SLC2A11: variants seen among roughly 807,000 people sequenced by gnomAD.
The protein encoded by SLC2A11 is solute carrier family 2, facilitated glucose transporter member 11.
A neutral mutation model predicts 52.1 loss-of-function variants in SLC2A11; 43 were observed. The ratio of observed to expected loss-of-function variants is 0.82; its 90% CI spans 0.65 to 1.06. SLC2A11 has a LOEUF of 1.06. Among genes scored for constraint, SLC2A11 ranks in the 50% least tolerant of loss-of-function variants. The pLI is 0.00. For missense variants in SLC2A11, 582 were observed against 654.2 expected, an observed-to-expected ratio of 0.89 and a Z score of 1.20; for synonymous variants, 261 against 277.6, an observed-to-expected ratio of 0.94 and a Z score of 0.59.
chr22:23,873,400 G>C (rs963278869), intron 3 of SLC2A11: 2 of 150,464 alleles, frequency 1.3e-5, no homozygotes, highest in Non-Finnish European at 3.0e-5. Flanking sequence ...TTATTTATTA[G>C]ACGGGTTCAA....
intron 3 of SLC2A11, 135 bp from the exon 4 acceptor site, chr22:23,874,982 T>A (rs1449846482): frequency 3.0e-6 from 3 of 1,000,018 alleles, no homozygotes; most frequent in Non-Finnish European, 2.7e-6. Context: ...GGACTCAAAG[T>A]AGTTAATGGC....
At chr22:23,869,377 A>G (rs2032375408) in intron 3 of SLC2A11, 1 of 152,662 alleles carries the variant, frequency 6.6e-6, no homozygotes, top group Admixed American at 6.6e-5. Flanking sequence ...AGTCCTGGCT[A>G]CTCGGGAGGC....
intron 2 of SLC2A11, chr22:23,868,153 T>TGCTTGATGTG (rs1264475395): frequency 1.9e-5 from 7 of 373,802 alleles, no homozygotes; most frequent in Non-Finnish European, 3.5e-5. Flanking sequence ...GTTAGAGAAT[T>TGCTTGATGTG]GCTTGATGTG....
intron 2 of SLC2A11, chr22:23,865,791 AAC>A (rs2032241128): frequency 6.6e-6 from 1 of 152,264 alleles, no homozygotes; most frequent in South Asian, 2.1e-4. Context: ...ATTCTAGCTA[AAC>A]CAACTTAGCA....
At chr22:23,863,871 T>C (rs1185916187) in intron 2 of SLC2A11, among the ~76,000 whole-genome samples, 2 of 152,056 alleles carry the variant, frequency 1.3e-5, no homozygotes, top group Non-Finnish European at 2.9e-5. Context: ...GCTGAAGTGG[T>C]CCGCCCACCT....
chr22:23,858,794 G>C (rs528641284), intron 1 of SLC2A11, among the ~76,000 whole-genome samples: 1 of 152,186 alleles, frequency 6.6e-6, no homozygotes, highest in Non-Finnish European at 1.5e-5. Flanking sequence ...TGTAGCACCA[G>C]CTGATGTACT....
chr22:23,875,124 T>G lies in SLC2A11; in HGVS notation c.298T>G (p.Ser100Ala). Residue 100 changes from serine (S) to alanine (A), a missense_variant, in exon 4 of 12, where the codon TCC becomes GCC. Coordinates refer to ENST00000316185, the MANE Select transcript of SLC2A11 (RefSeq NM_001024939.4). ...PLAITLGRKK[S>A]LLVNNIFVVS... The stretch of plus-strand genomic sequence containing the variant: ...TGTTTCACTTCCCCCAAGGAAGAAG[T>G]CCCTCCTGGTGAATAACATCTTTGT... 9 of 1,580,482 alleles carry G rather than the reference T, an allele frequency of 5.7e-6. No homozygotes were observed. The highest frequency in any genetic ancestry group is 7.7e-6 in the Non-Finnish European group (9 of 1,163,238).
At chr22:23,876,521 T>C (rs2032616054) in intron 4 of SLC2A11, among the ~76,000 whole-genome samples, 2 of 152,154 alleles carry the variant, frequency 1.3e-5, no homozygotes, top group Admixed American at 6.5e-5. Context: ...TTTGTCACCC[T>C]CTGGGAGGGC....
chr22:23,873,813 T>C (rs997571922), intron 3 of SLC2A11, among the ~76,000 whole-genome samples: 13 of 152,290 alleles, frequency 8.5e-5, no homozygotes, highest in Admixed American at 7.2e-4. Flanking sequence ...ACAATTGGAG[T>C]TACCACTGGA....
At chr22:23,871,445 G>A (rs1020668271) in intron 3 of SLC2A11, 2 of 146,366 alleles carry the variant, frequency 1.4e-5, no homozygotes, top group Non-Finnish European at 1.5e-5. Flanking sequence ...AGAGGCAAAA[G>A]AAGTCCATGC....
At chr22:23,868,239 A>G (rs761352533) in intron 2 of SLC2A11, 70 of 543,642 alleles carry the variant, frequency 1.3e-4, no homozygotes, top group Middle Eastern at 9.6e-4. Context: ...AGAGGGGCAA[A>G]TGGAGCGAGT....
chr22:23,884,301 G>C lies in SLC2A11; in HGVS notation c.1172-1G>C. The C allele has an allele frequency of 2.5e-6, 4 of 1,612,974 alleles. No homozygotes were observed. Among genetic ancestry groups the C allele is most frequent in the Non-Finnish European group, 3.4e-6 (4 of 1,179,384 alleles). On this transcript the variant is annotated splice_acceptor_variant, in intron 10 of 11. Transcript: ENST00000316185. LOFTEE classifies it high-confidence loss of function. The surrounding 1 kb of genome is among the most constrained non-coding windows in gnomAD (Gnocchi z 4.3). Reference sequence around the variant, plus strand: ...CCCCCTGTCCCTGCCCCTCCTTCTAGCCGGAGTGACGGGGATCCTGGCCAC... The same window carrying C: ...CCCCCTGTCCCTGCCCCTCCTTCTACCCGGAGTGACGGGGATCCTGGCCAC...
Position 23,876,984 on chromosome 22 carries a change from G to A in SLC2A11, c.416-58G>A. On this transcript the variant is annotated intron_variant, in intron 4 of 11. Coordinates refer to ENST00000316185, the MANE Select transcript of SLC2A11 (RefSeq NM_001024939.4). ...GTGGGGCAGGGGAGACAGGCTGGGT[G>A]TCGTGGAGTGGGGGTCCCAGCTGGT... 5.6e-6 allele frequency: 9 copies of A among 1,611,886 alleles called. 1 individual carries two copies. In the South Asian group the frequency reaches 9.9e-5, roughly 18 times the overall value.
intron 1 of SLC2A11, among the ~76,000 whole-genome samples, chr22:23,859,769 G>T (rs571317484): frequency 1.6e-4 from 25 of 152,310 alleles, no homozygotes; most frequent in African/African-American, 5.1e-4. Context: ...GATTGCAGGT[G>T]TGGGCCACGA....
chr22:23,862,413 G>A, intron 2 of SLC2A11: 1 of 545,536 alleles, frequency 1.8e-6, no homozygotes, highest in Non-Finnish European at 3.3e-6. Flanking sequence ...AATCTCAGCA[G>A]ATGACTCCAT....
At position 23,875,655 on chromosome 22, in the gene SLC2A11, AT is replaced by A. The variant is rs1234066894; in HGVS notation, c.415+418del. On this transcript the variant is annotated intron_variant, in intron 4 of 11. Coordinates refer to ENST00000316185, the MANE Select transcript of SLC2A11 (RefSeq NM_001024939.4). ...GGGGCTTTTCATGTGAGAGAGCAGAATTTTGAGCACATCCACCTGGGTTTTT... is the reference window on the plus strand; with the variant it reads ...GGGGCTTTTCATGTGAGAGAGCAGAATTTGAGCACATCCACCTGGGTTTTT... 8.3e-4 allele frequency among the ~76,000 whole-genome samples: 126 copies of A among 152,298 alleles called. 3 individuals carry two copies. Among genetic ancestry groups the A allele is most frequent in the Non-Finnish European group, 1.0e-4 (7 of 68,028 alleles).
At chr22:23,876,165 G>T (rs1438614020) in intron 4 of SLC2A11, among the ~76,000 whole-genome samples, 1 of 152,130 alleles carries the variant, frequency 6.6e-6, no homozygotes, top group African/African-American at 2.4e-5. Flanking sequence ...AGAAGTCCAG[G>T]TGCTTTTTAT....
At chr22:23,871,198 G>A (rs1330408293) in intron 3 of SLC2A11, 2 of 150,946 alleles carry the variant, frequency 1.3e-5, no homozygotes, top group Non-Finnish European at 3.0e-5. Context: ...CTGAGGTCAG[G>A]AGTTCAAGAC....
intron 6 of SLC2A11, chr22:23,880,587 C>G (rs2032766908): frequency 6.6e-6 from 1 of 152,194 alleles, no homozygotes; most frequent in African/African-American, 2.4e-5. Flanking sequence ...CTGCTTTAAG[C>G]TATACCCTTG....
Sources: gnomAD v4.1 joint callset for allele counts (sites outside exome capture counted in the v4.1 genomes callset) on GRCh38, gnomAD v4.1.1 for gene constraint, Gnocchi (gnomAD v3.1) non-coding constraint, MANE v1.5 for transcripts, NCBI Gene and HGNC (gene_info 2026-07-23, HGNC 2026-07-21) for gene names.